ZMYND8: variants seen among roughly 807,000 people sequenced by gnomAD.
ZMYND8 encodes the protein MYND-type zinc finger-containing chromatin reader ZMYND8.
A neutral mutation model predicts 140.8 loss-of-function variants in ZMYND8; 37 were observed. That is an observed-to-expected ratio of 0.26 (90% CI 0.20 to 0.35). The LOEUF (loss-of-function observed/expected upper bound fraction) is 0.35. Among genes scored for constraint, ZMYND8 ranks in the 10% least tolerant of loss-of-function variants. ZMYND8 has a pLI of 1.00. For missense variants in ZMYND8, 1,068 were observed against 1,570.0 expected, an observed-to-expected ratio of 0.68 and a Z score of 5.40; for synonymous variants, 592 against 597.1, an observed-to-expected ratio of 0.99 and a Z score of 0.12.
chr20:47,349,779 A>G, intron 1 of ZMYND8: 2 of 1,514,714 alleles, frequency 1.3e-6, no homozygotes, highest in Non-Finnish European at 1.8e-6. Context: ...TGAGTAATAG[A>G]GAAAACGCTA....
chr20:47,337,994 C>T (rs1037986333), intron 2 of ZMYND8, among the ~76,000 whole-genome samples: 5 of 151,992 alleles, frequency 3.3e-5, no homozygotes, highest in Non-Finnish European at 5.9e-5. Context: ...AGGAATTCTG[C>T]ACCAATTATT....
At chr20:47,211,455 G>C (rs191966755) in intron 22 of ZMYND8, among the ~76,000 whole-genome samples, 10 of 127,486 alleles carry the variant, frequency 7.8e-5, no homozygotes, top group South Asian at 3.3e-4. Flanking sequence ...ACTGACTCCC[G>C]GTAAGGACAA....
chr20:47,240,681 A>C (rs2039851634), intron 14 of ZMYND8, among the ~76,000 whole-genome samples: 1 of 150,788 alleles, frequency 6.6e-6, no homozygotes, highest in Non-Finnish European at 1.5e-5. Context: ...CAGCCTCCCG[A>C]CTACGTGGGA....
At chr20:47,288,893 G>A (rs1342732311) in intron 7 of ZMYND8, among the ~76,000 whole-genome samples, 1 of 152,188 alleles carries the variant, frequency 6.6e-6, no homozygotes, top group Non-Finnish European at 1.5e-5. Flanking sequence ...CTTGAGGTCA[G>A]GAGTTCGAGA....
chr20:47,332,353 C>T (rs1202779784), intron 2 of ZMYND8, among the ~76,000 whole-genome samples: 3 of 151,860 alleles, frequency 2.0e-5, no homozygotes, highest in Non-Finnish European at 4.4e-5. Context: ...GACAGAAATA[C>T]AGCAGTTGCT....
At chr20:47,353,121 A>G (rs1312100217) in intron 1 of ZMYND8, 1 of 152,166 alleles carries the variant, frequency 6.6e-6, no homozygotes, top group Non-Finnish European at 1.5e-5. Context: ...CACGCGTTGC[A>G]AGTGGCTGGA....
At chr20:47,283,722 G>T in intron 8 of ZMYND8, 74 bp from the exon 9 acceptor site, 1 of 1,446,782 alleles carries the variant, frequency 6.9e-7, no homozygotes, top group Non-Finnish European at 9.6e-7. Context: ...AATGCTTGAT[G>T]ATTTTGAAGG....
intron 10 of ZMYND8, among the ~76,000 whole-genome samples, chr20:47,279,576 G>GA (rs2076475597): frequency 6.6e-6 from 1 of 151,978 alleles, no homozygotes; most frequent in East Asian, 1.9e-4. Flanking sequence ...CTCTGCGGGG[G>GA]ACAATATCTA....
chr20:47,349,099 G>A (rs2082571426), intron 1 of ZMYND8: 1 of 152,192 alleles, frequency 6.6e-6, no homozygotes, highest in South Asian at 2.1e-4. Context: ...AACGCAAAAG[G>A]CCCAAAAAGA....
At chr20:47,356,088 A>G (rs528396029) in intron 1 of ZMYND8, among the ~76,000 whole-genome samples, 4 of 152,078 alleles carry the variant, frequency 2.6e-5, no homozygotes, top group South Asian at 2.1e-4. Context: ...TGAGGGCACA[A>G]TTCTTTTGCA....
In ZMYND8 at chr20:47,246,173, T is replaced by C. The variant is rs1197319890; in HGVS notation, c.2119A>G (p.Lys707Glu). ...EKAKPSPHPI[K>E]DKLKGKDETD... ...TCATCTTTTCCCTTCAGTTTATCCTTTATGGGGTGAGGTGAAGGTTTTGCC... is the reference window on the plus strand; with the variant it reads ...TCATCTTTTCCCTTCAGTTTATCCTCTATGGGGTGAGGTGAAGGTTTTGCC... Residue 707 changes from lysine to glutamate, a missense_variant, in exon 14 of 23, where the codon AAG becomes GAG. By Grantham distance (56) the Lys-to-Glu change is moderately conservative. Transcript: ENST00000471951. 2 of 1,614,112 alleles carry C rather than the reference T, an allele frequency of 1.2e-6. No individual in the cohort carries two copies. The highest frequency in any genetic ancestry group is 2.2e-5 in the South Asian group (2 of 91,070).
At chr20:47,281,862 T>C (rs577498430) in intron 10 of ZMYND8, among the ~76,000 whole-genome samples, 2 of 152,230 alleles carry the variant, frequency 1.3e-5, no homozygotes, top group South Asian at 2.1e-4. Context: ...CATTCCAATG[T>C]TGGTTTCATC....
At chr20:47,225,577 GGGAGGGGAAGGAAGGGGAA>G (rs2037573749) in intron 18 of ZMYND8, among the ~76,000 whole-genome samples, 8 of 1,990 alleles carry the variant, frequency 4.0e-3, no homozygotes, top group South Asian at 0.019. Flanking sequence ...GGGAGGGGAA[GGGAGGGGAAGGAAGGGGAA>G]GGAGGGGATG....
intron 2 of ZMYND8, among the ~76,000 whole-genome samples, chr20:47,316,882 C>T (rs751234119): frequency 4.3e-4 from 65 of 151,966 alleles, no homozygotes; most frequent in Non-Finnish European, 8.8e-5. Flanking sequence ...TCCTGTAGTC[C>T]CCACTAAGTC....
chr20:47,247,431 GAGAA>G (rs1410231962), intron 13 of ZMYND8, among the ~76,000 whole-genome samples: 1 of 152,238 alleles, frequency 6.6e-6, no homozygotes, highest in Non-Finnish European at 1.5e-5. Context: ...GGAGTCAAGA[GAGAA>G]GTCACATACT....
chr20:47,260,344 T>G (rs1196120736), intron 12 of ZMYND8, among the ~76,000 whole-genome samples: 1 of 152,040 alleles, frequency 6.6e-6, no homozygotes, highest in South Asian at 2.1e-4. Flanking sequence ...CCTCCTGCGC[T>G]GAACCCTCCA....
At chr20:47,312,406 C>G (rs1488600933) in intron 2 of ZMYND8, among the ~76,000 whole-genome samples, 1 of 152,098 alleles carries the variant, frequency 6.6e-6, no homozygotes, top group Non-Finnish European at 1.5e-5. Flanking sequence ...CAGGGGGCTG[C>G]GTGGAGACCC....
chr20:47,251,381 T>A (rs955627094), intron 12 of ZMYND8, among the ~76,000 whole-genome samples: 2 of 151,648 alleles, frequency 1.3e-5, no homozygotes, highest in Non-Finnish European at 2.9e-5. Context: ...AGGCCAGGAG[T>A]TCGAGACCAG....
chr20:47,272,751 T>A (rs2076034528), intron 11 of ZMYND8, among the ~76,000 whole-genome samples: 1 of 152,232 alleles, frequency 6.6e-6, no homozygotes, highest in South Asian at 2.1e-4. Context: ...ATTTCTACAC[T>A]GTTGTACAAG....
Sources: gnomAD v4.1 joint callset for allele counts (sites outside exome capture counted in the v4.1 genomes callset) on GRCh38, gnomAD v4.1.1 for gene constraint, MANE v1.5 for transcripts, NCBI Gene and HGNC (gene_info 2026-07-23, HGNC 2026-07-21) for gene names.